EML1: variants seen among roughly 807,000 people sequenced by gnomAD.
The protein encoded by EML1 is EMAP like 1.
EML1 carries 27 observed loss-of-function variants against 110.4 expected under a neutral mutation model. That is an observed-to-expected ratio of 0.24 (90% confidence interval 0.18 to 0.34). EML1 has a LOEUF of 0.34. Among genes scored for constraint, EML1 ranks in the 10% least tolerant of loss-of-function variants. EML1 has a pLI of 1.00. For missense variants in EML1, 741 were observed against 1,030.9 expected (o/e 0.72, Z 3.85); for synonymous variants, 344 against 385.8 (o/e 0.89, Z 1.27).
At chr14:99,937,049 C>T (rs774834209) in intron 19 of EML1, among the ~76,000 whole-genome samples, 5 of 152,168 alleles carry the variant, frequency 3.3e-5, no homozygotes, top group African/African-American at 1.2e-4. Flanking sequence ...CTGGCTTGGC[C>T]GCATGATGCA....
upstream of EML1, chr14:99,793,359 C>G (rs950250255): frequency 3.8e-4 from 374 of 988,546 alleles, 1 homozygote; most frequent in Non-Finnish European, 4.3e-4. Context: ...CAGCAGCAGC[C>G]GCCACAGCAG....
intron 4 of EML1, among the ~76,000 whole-genome samples, chr14:99,881,607 CTT>C (rs11452810): frequency 1.4e-5 from 2 of 144,100 alleles, no homozygotes; most frequent in Non-Finnish European, 1.5e-5. Flanking sequence ...TTTCTTTTTC[CTT>C]TTTTTTTTTT....
At chr14:99,916,137 A>G (rs992074977) in intron 15 of EML1, among the ~76,000 whole-genome samples, 3 of 152,254 alleles carry the variant, frequency 2.0e-5, no homozygotes, top group Admixed American at 1.3e-4. Flanking sequence ...TTAGCCTAAC[A>G]TAAGGGTTGG....
Position 99,917,883 on chromosome 14 carries a change from A to G in EML1, c.1820+34A>G, listed in dbSNP as rs757938175. 12 of 1,610,096 alleles carry G rather than the reference A, an allele frequency of 7.5e-6. 1 individual carries two copies. The East Asian group carries it at 2.2e-4, about 30-fold the overall frequency. ...ATGCCAACAGCGCTTGTGCTTGCAAAGCTTATGGAAAAGAGGCCTGTTGTT... is the reference window on the plus strand; with the variant it reads ...ATGCCAACAGCGCTTGTGCTTGCAAGGCTTATGGAAAAGAGGCCTGTTGTT... On this transcript the variant is annotated intron_variant, in intron 16 of 21. Coordinates refer to ENST00000262233, the MANE Select transcript of EML1 (RefSeq NM_004434.3).
intron 1 of EML1, among the ~76,000 whole-genome samples, chr14:99,819,297 T>C (rs1160153203): frequency 6.6e-6 from 1 of 152,210 alleles, no homozygotes; most frequent in Non-Finnish European, 1.5e-5. Context: ...TGATATTTTA[T>C]GAGAATACAG....
Position 99,900,259 on chromosome 14 carries a change from GC to G in EML1, c.898-669del, listed in dbSNP as rs555670083. Among the ~76,000 whole-genome samples the G allele has an allele frequency of 7.7e-3, 1,134 of 146,762 alleles. 10 individuals carry two copies. The highest frequency in any genetic ancestry group is 9.6e-3 in the Non-Finnish European group (645 of 67,336). ...GCTGGAGTGCAGTAGTGCAATCTTG[GC>G]TCACTGCAACCTCCACCTCCCGGGT... On this transcript the variant is annotated intron_variant, in intron 8 of 21. Transcript: ENST00000262233.
upstream of EML1, among the ~76,000 whole-genome samples, chr14:99,770,910 G>A (rs867304200): frequency 6.1e-5 from 9 of 148,324 alleles, no homozygotes; most frequent in Non-Finnish European, 1.2e-4. Context: ...TCAGCCTCCC[G>A]AGTAGCTGGG....
intron 1 of EML1, among the ~76,000 whole-genome samples, chr14:99,795,523 C>A (rs1396059035): frequency 6.6e-6 from 1 of 152,022 alleles, no homozygotes; most frequent in East Asian, 1.9e-4. Context: ...GGGCAGAAGT[C>A]AATGTTAACT....
intron 1 of EML1, among the ~76,000 whole-genome samples, chr14:99,805,870 G>A (rs4905895): frequency 0.21 from 31,828 of 151,664 alleles, 3,955 homozygotes; most frequent in Non-Finnish European, 0.28. Flanking sequence ...AGTTCATGGC[G>A]CTAAGTACAT....
At chr14:99,917,685 G>A in intron 15 of EML1, 97 bp from the exon 16 acceptor site, 1 of 1,182,444 alleles carries the variant, frequency 8.5e-7, no homozygotes, top group South Asian at 1.3e-5. Flanking sequence ...GGAATTAGAA[G>A]TGTGAGCGTT....
intron 3 of EML1, among the ~76,000 whole-genome samples, chr14:99,867,097 T>C (rs920385100): frequency 6.6e-5 from 10 of 152,316 alleles, no homozygotes; most frequent in Non-Finnish European, 1.5e-4. Context: ...ACCCTCCTTT[T>C]GGAGTCCCCA....
intron 17 of EML1, 102 bp from the exon 18 acceptor site, chr14:99,935,927 G>T: frequency 1.9e-6 from 2 of 1,052,712 alleles, no homozygotes. Context: ...TCATTAATCT[G>T]GTGATTTTGT....
At chr14:99,774,467 C>T (rs755090085) in intron 1 of EML1, among the ~76,000 whole-genome samples, 5 of 152,190 alleles carry the variant, frequency 3.3e-5, no homozygotes, top group Non-Finnish European at 5.9e-5. Flanking sequence ...CCATGCCTCC[C>T]GAGTGTACCC....
At chr14:99,738,443 G>C (rs1310603688) in intron 1 of EML1, among the ~76,000 whole-genome samples, 1 of 152,258 alleles carries the variant, frequency 6.6e-6, no homozygotes, top group Non-Finnish European at 1.5e-5. Flanking sequence ...GAGGCCAGAG[G>C]CTGTGGTGGG....
intron 1 of EML1, among the ~76,000 whole-genome samples, chr14:99,796,338 G>A (rs974330628): frequency 6.6e-6 from 1 of 152,092 alleles, no homozygotes; most frequent in Non-Finnish European, 1.5e-5. Flanking sequence ...ATAATTTGTA[G>A]TGGACATTAA....
intron 1 of EML1, among the ~76,000 whole-genome samples, chr14:99,815,673 TTTGA>T: frequency 6.6e-6 from 1 of 152,346 alleles, no homozygotes; most frequent in South Asian, 2.1e-4. Flanking sequence ...GAAAAACAAC[TTTGA>T]TTGGATGGCA....
At chr14:99,912,222 T>TATTGCATTG (rs1450680081) in intron 13 of EML1, among the ~76,000 whole-genome samples, 1 of 152,190 alleles carries the variant, frequency 6.6e-6, no homozygotes, top group African/African-American at 2.4e-5. Flanking sequence ...TTGGAGACAT[T>TATTGCATTG]ATTGCATTGA....
chr14:99,889,850 C>T (rs1354590774), intron 4 of EML1, among the ~76,000 whole-genome samples: 1 of 152,140 alleles, frequency 6.6e-6, no homozygotes, highest in African/African-American at 2.4e-5. Flanking sequence ...TTTCAATGAC[C>T]ATAGTTTAGA....
At chr14:99,864,201 C>T (rs932094577) in intron 2 of EML1, among the ~76,000 whole-genome samples, 2 of 152,034 alleles carry the variant, frequency 1.3e-5, no homozygotes, top group African/African-American at 4.8e-5. Flanking sequence ...TGTTTTCTTA[C>T]CATTGAATTT....
Sources: gnomAD v4.1 joint callset for allele counts (sites outside exome capture counted in the v4.1 genomes callset) on GRCh38, gnomAD v4.1.1 for gene constraint, MANE v1.5 for transcripts, NCBI Gene and HGNC (gene_info 2026-07-23, HGNC 2026-07-21) for gene names.